The following PPARGC1A variants were observed in gnomAD, a reference collection of about 807,000 sequenced individuals.
PPARGC1A encodes the protein peroxisome proliferator-activated receptor gamma coactivator 1-alpha.
PPARGC1A carries 25 observed loss-of-function variants against 88.7 expected under a neutral mutation model. The ratio of observed to expected loss-of-function variants is 0.28; its 90% CI spans 0.21 to 0.39. The LOEUF (loss-of-function observed/expected upper bound fraction) is 0.39. Among genes scored for constraint, PPARGC1A ranks in the 10% least tolerant of loss-of-function variants. The pLI, the probability that PPARGC1A is intolerant of heterozygous loss-of-function variation, is 1.00. For missense variants in PPARGC1A, 880 were observed against 968.7 expected (o/e 0.91, Z 1.22); for synonymous variants, 363 against 355.6 (o/e 1.02, Z -0.24).
the PPARGC1A span, among the ~76,000 whole-genome samples, chr4:24,319,443 AAGAT>A: frequency 2.6e-5 from 4 of 152,344 alleles, no homozygotes; most frequent in East Asian, 3.9e-4. Flanking sequence ...AGTGTCAAGA[AAGAT>A]AGACTATGAA....
chr4:23,950,337 C>T, the PPARGC1A span, among the ~76,000 whole-genome samples: 17 of 152,202 alleles, frequency 1.1e-4, no homozygotes, highest in South Asian at 3.5e-3. Flanking sequence ...ACCCTATCTC[C>T]CAAACCAACT....
At chr4:24,359,043 C>T in the PPARGC1A span, among the ~76,000 whole-genome samples, 1 of 152,192 alleles carries the variant, frequency 6.6e-6, no homozygotes, top group African/African-American at 2.4e-5. Flanking sequence ...TGACTTGCCA[C>T]TGTTGCTGTA....
At chr4:23,991,301 T>C in the PPARGC1A span, among the ~76,000 whole-genome samples, 1 of 152,126 alleles carries the variant, frequency 6.6e-6, no homozygotes, top group Non-Finnish European at 1.5e-5. Flanking sequence ...ACCCTTATAC[T>C]ACAGTGTCAA....
chr4:23,940,819 G>C, the PPARGC1A span, among the ~76,000 whole-genome samples: 1 of 151,952 alleles, frequency 6.6e-6, no homozygotes, highest in African/African-American at 2.4e-5. Flanking sequence ...AGTCTTTCTT[G>C]GTTGCTTGCT....
At chr4:24,445,362 C>T in the PPARGC1A span, among the ~76,000 whole-genome samples, 4 of 152,266 alleles carry the variant, frequency 2.6e-5, no homozygotes, top group East Asian at 5.8e-4. Flanking sequence ...ACCATGTGTC[C>T]GTAAGGCTGT....
chr4:24,147,084 G>C, the PPARGC1A span, among the ~76,000 whole-genome samples: 1 of 152,102 alleles, frequency 6.6e-6, no homozygotes, highest in African/African-American at 2.4e-5. Flanking sequence ...CAGGTGAACA[G>C]GTATCTAGTT....
the PPARGC1A span, among the ~76,000 whole-genome samples, chr4:24,285,482 A>T: frequency 6.6e-6 from 1 of 152,182 alleles, no homozygotes; most frequent in African/African-American, 2.4e-5. Context: ...AAGTGACACG[A>T]CTTGATGTTT....
chr4:24,009,558 C>T, the PPARGC1A span, among the ~76,000 whole-genome samples: 1 of 152,208 alleles, frequency 6.6e-6, no homozygotes, highest in Non-Finnish European at 1.5e-5. Flanking sequence ...TAGTTTCTTT[C>T]TCATTCTCCT....
chr4:24,377,907 C>T, the PPARGC1A span, among the ~76,000 whole-genome samples: 1 of 152,166 alleles, frequency 6.6e-6, no homozygotes, highest in African/African-American at 2.4e-5. Flanking sequence ...TAATACCTAG[C>T]TAACTCTCCA....
At chr4:24,051,123 G>A in the PPARGC1A span, among the ~76,000 whole-genome samples, 1 of 131,522 alleles carries the variant, frequency 7.6e-6, no homozygotes, top group African/African-American at 2.8e-5. Flanking sequence ...AGGAGGCAGA[G>A]CTTGCAGTGA....
upstream of PPARGC1A, chr4:23,890,091 C>T: frequency 2.1e-6 from 3 of 1,398,656 alleles, no homozygotes; most frequent in Admixed American, 2.5e-5. Context: ...TCCCCAGTCA[C>T]ATGACAAAGC....
the PPARGC1A span, among the ~76,000 whole-genome samples, chr4:24,452,981 A>G: frequency 6.6e-6 from 1 of 152,204 alleles, no homozygotes; most frequent in African/African-American, 2.4e-5. Flanking sequence ...ATGTGACTGC[A>G]TTTGGAGACA....
chr4:24,016,444 A>T, the PPARGC1A span, among the ~76,000 whole-genome samples: 1 of 152,208 alleles, frequency 6.6e-6, no homozygotes, highest in Non-Finnish European at 1.5e-5. Flanking sequence ...CATACATGAA[A>T]ATGTTCATTC....
chr4:23,896,258 T>G (rs1007306425), intron 1 of PPARGC1A, among the ~76,000 whole-genome samples: 47 of 152,196 alleles, frequency 3.1e-4, no homozygotes, highest in African/African-American at 1.1e-3. Context: ...AATTTTCAAA[T>G]TTTCTCTTAT....
chr4:23,902,284 A>G (rs1413316011), upstream of PPARGC1A, among the ~76,000 whole-genome samples: 4 of 152,236 alleles, frequency 2.6e-5, no homozygotes, highest in African/African-American at 7.2e-5. Context: ...CAAGTAACCT[A>G]TATCATAGAT....
chr4:24,084,293 G>A, the PPARGC1A span, among the ~76,000 whole-genome samples: 3 of 152,140 alleles, frequency 2.0e-5, no homozygotes, highest in African/African-American at 4.8e-5. Flanking sequence ...AAGCAGATTT[G>A]GAGAAGGTTC....
chr4:24,469,777 A>C, the PPARGC1A span, among the ~76,000 whole-genome samples: 2 of 152,130 alleles, frequency 1.3e-5, no homozygotes, highest in Non-Finnish European at 2.9e-5. Context: ...AGAAGCCGGT[A>C]GTTTTCCTCT....
the PPARGC1A span, among the ~76,000 whole-genome samples, chr4:24,122,052 T>C: frequency 6.6e-6 from 1 of 151,978 alleles, no homozygotes; most frequent in Non-Finnish European, 1.5e-5. Flanking sequence ...CAGAAATACA[T>C]GAGACAGGGG....
the PPARGC1A span, among the ~76,000 whole-genome samples, chr4:24,191,821 C>T: frequency 6.6e-6 from 1 of 152,152 alleles, no homozygotes; most frequent in Non-Finnish European, 1.5e-5. Flanking sequence ...CTGAAGAATG[C>T]CATTCATTTA....
Sources: allele counts gnomAD v4.1 joint callset (sites outside exome capture counted in the v4.1 genomes callset), GRCh38; gene constraint gnomAD v4.1.1; transcripts MANE v1.5; gene names NCBI Gene and HGNC (gene_info 2026-07-23, HGNC 2026-07-21).